The following ZNF18 variants were observed in gnomAD, a reference collection of about 807,000 sequenced individuals.
ZNF18 encodes heart development-specific gene 1 protein.
Under a neutral mutation model 58.1 loss-of-function variants are expected in ZNF18, and 42 were observed. The observed-to-expected ratio is 0.72, with a 90% CI of 0.56 to 0.93. The LOEUF is 0.93. ZNF18 is among the 40% of genes least tolerant of loss of function. The pLI, the probability that ZNF18 is intolerant of heterozygous loss-of-function variation, is 0.00. For synonymous variants in ZNF18, 231 were observed against 239.8 expected, an observed-to-expected ratio of 0.96 and a Z score of 0.34; for missense variants, 540 against 644.2, an observed-to-expected ratio of 0.84 and a Z score of 1.75.
the ZNF18 span, among the ~76,000 whole-genome samples, chr17:12,005,807 AAT>A: frequency 1.3e-5 from 2 of 152,320 alleles, no homozygotes; most frequent in African/African-American, 4.8e-5. Flanking sequence ...TTCAATTTTG[AAT>A]ATGTTTTATA....
chr17:12,009,092 GAGA>G, the ZNF18 span: 2 of 152,346 alleles, frequency 1.3e-5, no homozygotes, highest in Non-Finnish European at 2.9e-5. Context: ...CCCTGTCTAG[GAGA>G]AGGAGGCAAG....
At chr17:11,983,999 T>C in intron 5 of ZNF18, 114 bp downstream of exon 5, 1 of 925,014 alleles carries the variant, frequency 1.1e-6, no homozygotes, top group Non-Finnish European at 1.6e-6. Flanking sequence ...TCCCTAACGA[T>C]TTCTTTCACC....
chr17:11,982,921 A>G (rs565365926), intron 6 of ZNF18, among the ~76,000 whole-genome samples: 2 of 152,310 alleles, frequency 1.3e-5, no homozygotes, highest in South Asian at 4.1e-4. Context: ...TAGATACTCT[A>G]ACTTCTTGCT....
the ZNF18 span, among the ~76,000 whole-genome samples, chr17:12,007,481 C>T: frequency 9.2e-5 from 14 of 152,148 alleles, no homozygotes; most frequent in African/African-American, 2.4e-4. Context: ...GATTTTTGTA[C>T]GGTCACTTGA....
chr17:12,020,904 G>C, the ZNF18 span: 32 of 1,139,320 alleles, frequency 2.8e-5, no homozygotes, highest in Non-Finnish European at 3.2e-5. Context: ...CTCCGAGCCC[G>C]AGCGGCGGCG....
chr17:12,019,472 C>T, the ZNF18 span, among the ~76,000 whole-genome samples: 1 of 152,010 alleles, frequency 6.6e-6, no homozygotes, highest in Non-Finnish European at 1.5e-5. Context: ...GCAACAAGAG[C>T]TGGGTGGGCT....
At chr17:11,994,438 A>C (rs879443593) in intron 1 of ZNF18, among the ~76,000 whole-genome samples, 55 of 152,224 alleles carry the variant, frequency 3.6e-4, no homozygotes, top group Non-Finnish European at 7.5e-4. Flanking sequence ...CTGATTCCCC[A>C]AAAGCTTAGC....
At chr17:11,980,593 G>A (rs1411833336) in intron 6 of ZNF18, among the ~76,000 whole-genome samples, 1 of 151,908 alleles carries the variant, frequency 6.6e-6, no homozygotes, top group Non-Finnish European at 1.5e-5. Context: ...GCTAATTTTT[G>A]TAGTGTAGTT....
In ZNF18 at chr17:11,982,091, C is replaced by G. The variant is rs78096889; in HGVS notation, c.862+1206G>C. Among the ~76,000 whole-genome samples the G allele has an allele frequency of 2.2e-4, 33 of 152,246 alleles. No individual in the cohort carries two copies. The East Asian group carries it at 6.2e-3, about 29-fold the overall frequency. On this transcript the variant is annotated intron_variant, in intron 6 of 6. Transcript: ENST00000580306. ...TCCGCCTCTCCTCTCCCCAACCCCCCTCTCTGCTATGTGAAGACACAGCAA... is the reference window on the plus strand; with the variant it reads ...TCCGCCTCTCCTCTCCCCAACCCCCGTCTCTGCTATGTGAAGACACAGCAA...
chr17:11,980,346 G>C (rs1967258197), intron 6 of ZNF18, among the ~76,000 whole-genome samples: 1 of 151,910 alleles, frequency 6.6e-6, no homozygotes, highest in Non-Finnish European at 1.5e-5. Flanking sequence ...TATTTTACTG[G>C]GAAAGCACAT....
chr17:11,998,685 A>T (rs1968600418), upstream of ZNF18, among the ~76,000 whole-genome samples: 3 of 152,274 alleles, frequency 2.0e-5, no homozygotes, highest in South Asian at 6.2e-4. Context: ...TGATGCGGGG[A>T]TGGGATTACA....
At chr17:11,991,189 T>C (rs1968101629) in intron 2 of ZNF18, 26 bp from the exon 3 acceptor site, 6 of 1,584,974 alleles carry the variant, frequency 3.8e-6, no homozygotes, top group African/African-American at 2.7e-5. Context: ...TAATTAGTAA[T>C]TACTGAAGAA....
At chr17:12,004,584 T>C in the ZNF18 span, among the ~76,000 whole-genome samples, 1 of 151,986 alleles carries the variant, frequency 6.6e-6, no homozygotes, top group Middle Eastern at 3.4e-3. Flanking sequence ...TATTAAGAAA[T>C]CTACTAGAAA....
rs766128915 is a variant in ZNF18 at position 11,990,526 on chromosome 17, C to G, written c.602G>C (p.Arg201Pro). The G allele has an allele frequency of 2.5e-6, 4 of 1,611,228 alleles. No homozygotes were observed. Among genetic ancestry groups the G allele is most frequent in the Non-Finnish European group, 3.4e-6 (4 of 1,179,278 alleles). ...ELALAASQPA[R>P]LEERLIRDQD... ...GTCTCTGATCAGCCTTTCCTCCAGT[C>G]GGGCAGGCTGGGAGGCAGCCAGGGC... The change falls in exon 4 of 7, where the codon CGA becomes CCA. Residue 201 changes from arginine to proline, a missense_variant. By Grantham distance (103) the Arg-to-Pro change is moderately radical. Transcript: ENST00000580306.
chr17:12,015,939 C>T, the ZNF18 span, among the ~76,000 whole-genome samples: 3 of 152,104 alleles, frequency 2.0e-5, no homozygotes, highest in Non-Finnish European at 2.9e-5. Flanking sequence ...TATAGGCATG[C>T]GCCACCACAC....
At chr17:12,006,427 A>G in the ZNF18 span, among the ~76,000 whole-genome samples, 38 of 152,356 alleles carry the variant, frequency 2.5e-4, no homozygotes, top group Admixed American at 2.4e-3. Flanking sequence ...AATGCTTAGG[A>G]CTGTTAAGAG....
the ZNF18 span, chr17:12,009,269 C>A: frequency 6.6e-6 from 1 of 151,794 alleles, no homozygotes; most frequent in Non-Finnish European, 1.5e-5. Flanking sequence ...TTTATCCCTA[C>A]ATGGCTGCTT....
In ZNF18 at chr17:11,992,637, G is replaced by A. The variant is rs1207383462; in HGVS notation, c.193C>T (p.Leu65Phe). The A allele has an allele frequency of 2.5e-6, 4 of 1,614,140 alleles. No homozygotes were observed. Among genetic ancestry groups the A allele is most frequent in the African/African-American group, 1.3e-5 (1 of 74,938 alleles). Reference protein sequence around the residue: ...PHETLKQLRKLCFQWLQPEVH... With the variant: ...PHETLKQLRKFCFQWLQPEVH... Reference sequence around the variant, plus strand: ...TCTGGCTGTAGCCACTGGAAACAGAGCTTCCGAAGTTGCTTCAAGGTCTCA... The same window carrying A: ...TCTGGCTGTAGCCACTGGAAACAGAACTTCCGAAGTTGCTTCAAGGTCTCA... Residue 65 changes from leucine to phenylalanine, a missense_variant, in exon 2 of 7, where the codon CTC (leucine) becomes TTC (phenylalanine). By Grantham distance (22) the Leu-to-Phe change is conservative (BLOSUM62 0). Transcript: ENST00000580306.
the ZNF18 span, chr17:12,020,907 C>T: frequency 8.3e-7 from 1 of 1,202,916 alleles, no homozygotes; most frequent in Non-Finnish European, 1.0e-6. Context: ...CGAGCCCGAG[C>T]GGCGGCGGCG....
Sources: allele counts gnomAD v4.1 joint callset (sites outside exome capture counted in the v4.1 genomes callset), GRCh38; gene constraint gnomAD v4.1.1; transcripts MANE v1.5; gene names NCBI Gene and HGNC (gene_info 2026-07-23, HGNC 2026-07-21).